The following TTC39B variants were observed in gnomAD, a reference collection of about 807,000 sequenced individuals.
TTC39B encodes tetratricopeptide repeat protein 39B.
In TTC39B, 92 loss-of-function variants were observed where a neutral mutation model predicts 96.6. That is an observed-to-expected ratio of 0.95 (90% CI 0.80 to 1.13). The LOEUF (loss-of-function observed/expected upper bound fraction) is 1.13, where lower values mean the gene tolerates loss of function less well. Among genes scored for constraint, TTC39B ranks in the 50% most tolerant of loss-of-function variants. TTC39B has a pLI of 0.00. For missense variants in TTC39B, 955 were observed against 809.3 expected, an observed-to-expected ratio of 1.18 and a Z score of -2.18; for synonymous variants, 367 against 299.4, an observed-to-expected ratio of 1.23 and a Z score of -2.33.
chr9:15,218,617 AT>A (rs1820661140), intron 3 of TTC39B, among the ~76,000 whole-genome samples: 2 of 137,252 alleles, frequency 1.5e-5, no homozygotes, highest in African/African-American at 2.9e-5. Context: ...GGCAGGATGA[AT>A]TTTTTAGTCT....
At chr9:15,222,981 CAG>C (rs774497113) in intron 3 of TTC39B, among the ~76,000 whole-genome samples, 2 of 152,154 alleles carry the variant, frequency 1.3e-5, no homozygotes, top group Admixed American at 6.5e-5. Context: ...GGCCAGGGTG[CAG>C]AGTCTTTCCT....
intron 3 of TTC39B, among the ~76,000 whole-genome samples, chr9:15,216,442 G>A (rs375801624): frequency 3.5e-4 from 54 of 152,314 alleles, no homozygotes; most frequent in African/African-American, 1.2e-3. Context: ...GGAGGGCTAA[G>A]AATTGCTTTG....
chr9:15,210,038 A>C, intron 6 of TTC39B, 50 bp downstream of exon 6: 2 of 1,313,424 alleles, frequency 1.5e-6, no homozygotes, highest in East Asian at 2.3e-5. Context: ...TGAGATGATC[A>C]TTTAACTATT....
At chr9:15,284,723 C>A (rs1052986796) in intron 1 of TTC39B, among the ~76,000 whole-genome samples, 49 of 152,222 alleles carry the variant, frequency 3.2e-4, no homozygotes, top group Admixed American at 7.2e-4. Flanking sequence ...TTAAGCTGGT[C>A]TCTTCTGAGG....
chr9:15,190,434 C>T, intron 11 of TTC39B, 120 bp downstream of exon 11: 2 of 801,636 alleles, frequency 2.5e-6, no homozygotes, highest in South Asian at 3.5e-5. Context: ...CAGCCTCAAA[C>T]TCCTGGGTTC....
chr9:15,209,508 G>A (rs1820065391), intron 6 of TTC39B, among the ~76,000 whole-genome samples: 1 of 152,128 alleles, frequency 6.6e-6, no homozygotes, highest in Non-Finnish European at 1.5e-5. Context: ...TGAATGCTAA[G>A]AATATAAACT....
chr9:15,185,220 C>T (rs1326755778), intron 16 of TTC39B, 60 bp downstream of exon 16: 1 of 1,529,274 alleles, frequency 6.5e-7, no homozygotes, highest in Non-Finnish European at 8.7e-7. Context: ...AGATATGCTC[C>T]CTGCTGCTGT....
At chr9:15,207,660 G>A (rs1819941002) in intron 6 of TTC39B, among the ~76,000 whole-genome samples, 1 of 152,122 alleles carries the variant, frequency 6.6e-6, no homozygotes, top group Non-Finnish European at 1.5e-5. Flanking sequence ...AACAAGGACA[G>A]TATATAGCAC....
intron 19 of TTC39B, 93 bp from the exon 20 acceptor site, chr9:15,172,202 A>ACTTT: frequency 1.2e-6 from 1 of 833,798 alleles, no homozygotes; most frequent in Non-Finnish European, 1.9e-6. Context: ...CTACTTACTT[A>ACTTT]CTTTCAAACT....
intron 2 of TTC39B, among the ~76,000 whole-genome samples, chr9:15,253,963 C>A (rs1425622908): frequency 6.6e-6 from 1 of 152,134 alleles, no homozygotes; most frequent in South Asian, 2.1e-4. Context: ...CCCCTTTGCA[C>A]CCTGGCCCCT....
chr9:15,177,036 C>G (rs986233110), intron 18 of TTC39B, among the ~76,000 whole-genome samples: 7 of 152,204 alleles, frequency 4.6e-5, no homozygotes, highest in Admixed American at 4.6e-4. Context: ...CCTCTCTTTA[C>G]TGCCAAATTA....
intron 1 of TTC39B, among the ~76,000 whole-genome samples, chr9:15,281,968 A>G (rs1208124870): frequency 3.9e-5 from 6 of 152,184 alleles, no homozygotes; most frequent in Non-Finnish European, 7.3e-5. Flanking sequence ...ATGAGCCACC[A>G]CACACAGACT....
At chr9:15,296,681 G>C (rs1490880813) in intron 1 of TTC39B, among the ~76,000 whole-genome samples, 1 of 152,182 alleles carries the variant, frequency 6.6e-6, no homozygotes, top group African/African-American at 2.4e-5. Context: ...TTTTAATAGA[G>C]ACTGGGTTTC....
At chr9:15,285,989 A>G (rs183407334) in intron 1 of TTC39B, among the ~76,000 whole-genome samples, 17 of 152,326 alleles carry the variant, frequency 1.1e-4, no homozygotes, top group African/African-American at 2.9e-4. Context: ...CGATCAATCA[A>G]TCTAGCCAAA....
rs1005871305 is a variant in TTC39B, at chr9:15,298,130, C to T, written c.240+8954G>A. 5.3e-5 allele frequency among the ~76,000 whole-genome samples: 8 copies of T among 152,150 alleles called. No homozygotes were observed. The South Asian group carries it at 1.2e-3, about 24-fold the overall frequency. ...CTTCTGGAGCTGGGAAGTCCTTTTTCTCCTTCTCTTGGACATCAGAACTCA... is the reference window on the plus strand; with the variant it reads ...CTTCTGGAGCTGGGAAGTCCTTTTTTTCCTTCTCTTGGACATCAGAACTCA... On this transcript the variant is annotated intron_variant, in intron 1 of 19. Transcript: ENST00000512701.
At chr9:15,241,061 T>C (rs1822016980) in intron 2 of TTC39B, among the ~76,000 whole-genome samples, 1 of 152,196 alleles carries the variant, frequency 6.6e-6, no homozygotes, top group South Asian at 2.1e-4. Context: ...AGTTCTCTAA[T>C]ACCAGCCGTG....
intron 8 of TTC39B, among the ~76,000 whole-genome samples, chr9:15,198,401 G>A (rs1819308313): frequency 6.6e-6 from 1 of 151,180 alleles, no homozygotes; most frequent in African/African-American, 2.4e-5. Context: ...AGGTTGCAGT[G>A]AGCTGAGATC....
At chr9:15,293,010 C>G (rs1824243289) in intron 1 of TTC39B, among the ~76,000 whole-genome samples, 1 of 152,244 alleles carries the variant, frequency 6.6e-6, no homozygotes, top group Non-Finnish European at 1.5e-5. Context: ...TCACTCACCA[C>G]TCACTCACTG....
chr9:15,182,007 G>C lies in TTC39B; in HGVS notation c.1723+300C>G, dbSNP rs545453008. Reference sequence around the variant, plus strand: ...TCCATCCCTAGGCAACCACTCATCTGCTGTCTGTCTTTATAGATTTCCCTA... The same window carrying C: ...TCCATCCCTAGGCAACCACTCATCTCCTGTCTGTCTTTATAGATTTCCCTA... On this transcript the variant is annotated intron_variant, in intron 17 of 19. Coordinates refer to ENST00000512701, the Ensembl canonical transcript of TTC39B. Among the ~76,000 whole-genome samples the C allele has an allele frequency of 2.0e-5, 3 of 152,244 alleles. No individual in the cohort carries two copies. In the South Asian group the frequency reaches 6.2e-4, roughly 32 times the overall value.
Sources: gnomAD v4.1 joint callset for allele counts (sites outside exome capture counted in the v4.1 genomes callset) on GRCh38, gnomAD v4.1.1 for gene constraint, MANE v1.5 for transcripts, NCBI Gene and HGNC (gene_info 2026-07-23, HGNC 2026-07-21) for gene names.